WDR7: variants seen among roughly 807,000 people sequenced by gnomAD.
WDR7 encodes the protein WD repeat-containing protein 7.
A neutral mutation model predicts 169.4 loss-of-function variants in WDR7; 46 were observed. That is an observed-to-expected ratio of 0.27 (90% CI 0.21 to 0.35). WDR7 has a LOEUF of 0.35. Ranked by LOEUF, WDR7 falls within the 10% of genes least tolerant of loss-of-function variation. WDR7 has a pLI of 1.00. For missense variants in WDR7, 1,534 were observed against 1,859.3 expected (o/e 0.83, Z 3.22); for synonymous variants, 612 against 666.8 (o/e 0.92, Z 1.27).
intron 13 of WDR7, among the ~76,000 whole-genome samples, chr18:56,730,056 A>T (rs1467104497): frequency 6.6e-6 from 1 of 151,952 alleles, no homozygotes; most frequent in Non-Finnish European, 1.5e-5. Flanking sequence ...ATTTGTTAGA[A>T]CTCTGTATTT....
At chr18:56,832,783 T>C (rs1340163540) in intron 20 of WDR7, among the ~76,000 whole-genome samples, 1 of 151,964 alleles carries the variant, frequency 6.6e-6, no homozygotes, top group Non-Finnish European at 1.5e-5. Context: ...CAGAAAGGAA[T>C]AGCATCAACA....
intron 1 of WDR7, among the ~76,000 whole-genome samples, chr18:56,661,526 A>G (rs1354795823): frequency 1.2e-4 from 18 of 152,200 alleles, no homozygotes; most frequent in Non-Finnish European, 4.4e-5. Context: ...AATAAGAAAT[A>G]AGTGTAGTCT....
intron 26 of WDR7, among the ~76,000 whole-genome samples, chr18:56,977,009 C>T (rs1394238313): frequency 6.6e-6 from 1 of 152,166 alleles, no homozygotes; most frequent in Non-Finnish European, 1.5e-5. Context: ...GCTGCCCTTT[C>T]ACTTACTGTC....
At chr18:56,966,193 A>C (rs1456135556) in intron 26 of WDR7, among the ~76,000 whole-genome samples, 2 of 152,144 alleles carry the variant, frequency 1.3e-5, no homozygotes, top group African/African-American at 2.4e-5. Context: ...GGGTCAGTGC[A>C]TGGAAAATTG....
intron 26 of WDR7, among the ~76,000 whole-genome samples, chr18:57,013,269 G>T (rs1334579974): frequency 2.0e-5 from 3 of 152,146 alleles, no homozygotes; most frequent in African/African-American, 7.2e-5. Context: ...TTGCTTACCT[G>T]TCACCCACCC....
chr18:56,890,773 G>C (rs2046253452), intron 21 of WDR7: 1 of 152,128 alleles, frequency 6.6e-6, no homozygotes, highest in African/African-American at 2.4e-5. Flanking sequence ...TTTGTTCTCA[G>C]TGCACTAACT....
intron 18 of WDR7, 77 bp from the exon 19 acceptor site, chr18:56,781,456 T>C: frequency 3.0e-6 from 4 of 1,355,764 alleles, no homozygotes; most frequent in Non-Finnish European, 3.9e-6. Flanking sequence ...TATTTCATTA[T>C]AAATTTTCTA....
chr18:56,718,993 G>A (rs1373819301), intron 13 of WDR7, among the ~76,000 whole-genome samples: 1 of 152,132 alleles, frequency 6.6e-6, no homozygotes, highest in African/African-American at 2.4e-5. Flanking sequence ...CATAAGCTTC[G>A]GTAATCTTTT....
At chr18:56,994,385 GAAGT>G (rs1477634977) in intron 26 of WDR7, among the ~76,000 whole-genome samples, 1 of 152,150 alleles carries the variant, frequency 6.6e-6, no homozygotes, top group Non-Finnish European at 1.5e-5. Flanking sequence ...ATGTTCTGTT[GAAGT>G]AAGTGAAAAT....
At chr18:56,724,988 C>CT (rs1413939147) in intron 13 of WDR7, among the ~76,000 whole-genome samples, 1 of 151,914 alleles carries the variant, frequency 6.6e-6, no homozygotes, top group Non-Finnish European at 1.5e-5. Context: ...TGAACTCATT[C>CT]TTTTTTATGG....
intron 12 of WDR7, among the ~76,000 whole-genome samples, chr18:56,698,628 A>C (rs985836695): frequency 2.0e-5 from 3 of 151,710 alleles, no homozygotes; most frequent in Admixed American, 6.6e-5. Flanking sequence ...AAAAATTCAG[A>C]TTGGTATTTA....
Position 56,691,210 on chromosome 18 carries a change from TTGCAGG to T in WDR7, c.718-3_720del, listed in dbSNP as rs2025561937. The T allele has an allele frequency of 6.2e-7, 1 of 1,603,966 alleles. No individual in the cohort carries two copies. The highest frequency in any genetic ancestry group is 8.5e-7 in the Non-Finnish European group (1 of 1,176,820). On this transcript the variant is annotated splice_acceptor_variant and splice_polypyrimidine_tract_variant and coding_sequence_variant and intron_variant, in exon 8 of 28. Transcript: ENST00000254442. LOFTEE classifies it high-confidence loss of function. Reference sequence around the variant, plus strand: ...AGTAGATTGTGAATTTCTTTCTTCCTTGCAGGTGTTCGATGCCGGAGACTATTCCTT... The same window carrying T: ...AGTAGATTGTGAATTTCTTTCTTCCTTGTTCGATGCCGGAGACTATTCCTT...
chr18:56,978,762 C>T (rs1388677997), intron 26 of WDR7, among the ~76,000 whole-genome samples: 1 of 152,190 alleles, frequency 6.6e-6, no homozygotes, highest in Non-Finnish European at 1.5e-5. Context: ...CTCCTCCTTC[C>T]TCAGACGTCC....
At chr18:56,941,492 G>A (rs920631683) in intron 25 of WDR7, among the ~76,000 whole-genome samples, 3 of 152,092 alleles carry the variant, frequency 2.0e-5, no homozygotes, top group African/African-American at 7.2e-5. Context: ...GAACCAGGCT[G>A]GCAAATGTTT....
intron 25 of WDR7, among the ~76,000 whole-genome samples, chr18:56,961,966 A>C (rs1377244045): frequency 6.6e-6 from 1 of 152,120 alleles, no homozygotes; most frequent in Non-Finnish European, 1.5e-5. Flanking sequence ...ACAATCATAA[A>C]TAGAGTAAAT....
At chr18:56,664,120 A>T (rs2024968487) in intron 1 of WDR7, among the ~76,000 whole-genome samples, 1 of 152,220 alleles carries the variant, frequency 6.6e-6, no homozygotes, top group Non-Finnish European at 1.5e-5. Flanking sequence ...ATGTCAAAGC[A>T]TCCTCTTTTC....
intron 19 of WDR7, among the ~76,000 whole-genome samples, chr18:56,799,932 T>TCAAC (rs1305133170): frequency 2.6e-5 from 4 of 152,334 alleles, no homozygotes; most frequent in African/African-American, 9.6e-5. Context: ...TTGCAGTGAC[T>TCAAC]CAACTTCCTT....
At chr18:56,717,094 G>A (rs1252765935) in intron 12 of WDR7, among the ~76,000 whole-genome samples, 1 of 152,144 alleles carries the variant, frequency 6.6e-6, no homozygotes, top group Non-Finnish European at 1.5e-5. Context: ...GCCACAATAT[G>A]TACAAGAATG....
chr18:56,936,066 T>G, intron 23 of WDR7, 161 bp downstream of exon 23: 1 of 620,388 alleles, frequency 1.6e-6, no homozygotes, highest in African/African-American at 1.9e-5. Context: ...TGTGTGCATG[T>G]ACACTGAATT....
Sources: gnomAD v4.1 joint callset for allele counts (sites outside exome capture counted in the v4.1 genomes callset) on GRCh38, gnomAD v4.1.1 for gene constraint, MANE v1.5 for transcripts, NCBI Gene and HGNC (gene_info 2026-07-23, HGNC 2026-07-21) for gene names.